The following MSI2 variants were observed in gnomAD, a reference collection of about 807,000 sequenced individuals.
MSI2 encodes musashi RNA binding protein 2.
MSI2 carries 17 observed loss-of-function variants against 45.6 expected under a neutral mutation model. The observed-to-expected ratio is 0.37, with a 90% CI of 0.26 to 0.56. The LOEUF is 0.56. Ranked by LOEUF, MSI2 falls within the 20% of genes least tolerant of loss-of-function variation. The pLI is 0.77. For synonymous variants in MSI2, 156 were observed against 158.2 expected (o/e 0.99, Z 0.11); for missense variants, 293 against 444.2 (o/e 0.66, Z 3.06).
Position 57,652,069 on chromosome 17 carries a change from A to T in MSI2, c.728-30A>T, listed in dbSNP as rs759436125. 6.2e-7 allele frequency: 1 copy of T among 1,611,046 alleles called. No individual in the cohort carries two copies. Among genetic ancestry groups the T allele is most frequent in the South Asian group, 1.1e-5 (1 of 91,000 alleles). Reference sequence around the variant, plus strand: ...GCCTGGCCCTTTCAAGGATTCCTCCATGACTCAGGCTCCTCTCTCTCCTGA... The same window carrying T: ...GCCTGGCCCTTTCAAGGATTCCTCCTTGACTCAGGCTCCTCTCTCTCCTGA... On this transcript the variant is annotated intron_variant, in intron 10 of 13. Transcript: ENST00000284073. This position sits in a 1 kb window ranked among gnomAD's most constrained non-coding sequence, Gnocchi z 4.1.
intron 10 of MSI2, among the ~76,000 whole-genome samples, chr17:57,649,513 CACAT>C (rs1222469101): frequency 1.3e-5 from 2 of 152,098 alleles, no homozygotes; most frequent in Non-Finnish European, 2.9e-5. Flanking sequence ...ACACATTACA[CACAT>C]ACACCTGACA....
At chr17:57,446,158 T>G (rs2143506699) in intron 6 of MSI2, among the ~76,000 whole-genome samples, 1 of 150,802 alleles carries the variant, frequency 6.6e-6, no homozygotes, top group Admixed American at 6.6e-5. Flanking sequence ...TGGGGTGGGG[T>G]GTGTGTGAGG....
At chr17:57,687,326 A>C (rs1462688824), downstream of MSI2, among the ~76,000 whole-genome samples, 1 of 152,062 alleles carries the variant, frequency 6.6e-6, no homozygotes, top group Admixed American at 6.5e-5. Context: ...TGATAAATAG[A>C]AGCTGAAAGC....
rs757147876 is a variant in MSI2 at position 57,627,243 on chromosome 17, G to A, written c.667G>A (p.Val223Met). ...TTGTGTTCAAGGATATCCCAACTTC[G>A]TGGCGACCTATGGCCGTGGCTACCC... ...GMGMLGYPNF[V>M]ATYGRGYPGF... The change falls in exon 10 of 14, where the codon GTG becomes ATG. Residue 223 changes from valine (V) to methionine (M), a missense_variant. Transcript: ENST00000284073. This position sits in a 1 kb window ranked among gnomAD's most constrained non-coding sequence, Gnocchi z 4.6. 1.8e-5 allele frequency: 29 copies of A among 1,614,030 alleles called. No homozygotes were observed. The highest frequency in any genetic ancestry group is 1.8e-4 in the East Asian group (8 of 44,894).
chr17:57,664,424 A>T (rs1871206806), intron 11 of MSI2, among the ~76,000 whole-genome samples: 1 of 152,162 alleles, frequency 6.6e-6, no homozygotes, highest in South Asian at 2.1e-4. Flanking sequence ...AGACTGAGGC[A>T]GGAGAATTAC....
At chr17:57,556,067 G>A (rs1567897124) in intron 7 of MSI2, among the ~76,000 whole-genome samples, 2 of 152,346 alleles carry the variant, frequency 1.3e-5, no homozygotes, top group South Asian at 4.1e-4. Flanking sequence ...GATAAGCTTG[G>A]AACTGGATTG....
Position 57,357,980 on chromosome 17 carries a change from A to G in MSI2, c.313-43399A>G, listed in dbSNP as rs148399863. Among the ~76,000 whole-genome samples the G allele has an allele frequency of 3.0e-3, 461 of 152,238 alleles. 3 individuals are homozygous for G. Among genetic ancestry groups the G allele is most frequent in the African/African-American group, 5.8e-3 (243 of 41,554 alleles). On this transcript the variant is annotated intron_variant, in intron 5 of 13. Coordinates refer to ENST00000284073, the MANE Select transcript of MSI2 (RefSeq NM_138962.4). ...TTTCTGAGGTCTTGTGGTCACACAC[A>G]TGCTTTCCTGCTTCTGTCTTGAATG...
At chr17:57,396,166 A>T (rs1310126645) in intron 5 of MSI2, among the ~76,000 whole-genome samples, 1 of 152,016 alleles carries the variant, frequency 6.6e-6, no homozygotes, top group African/African-American at 2.4e-5. Flanking sequence ...CCTTTCTCAT[A>T]CTCATTTAAG....
chr17:57,537,183 C>A (rs1333020717), intron 7 of MSI2, among the ~76,000 whole-genome samples: 1 of 152,178 alleles, frequency 6.6e-6, no homozygotes, highest in Non-Finnish European at 1.5e-5. Flanking sequence ...ACAGCCATTG[C>A]CCCTCTGCCA....
Position 57,627,087 on chromosome 17 carries a change from A to G in MSI2, c.653-142A>G. ...AGGAGAGAGGTGACCCAGACCCTTA[A>G]TAAAAAAACCCTCATGAGAGACAAA... On this transcript the variant is annotated intron_variant, in intron 9 of 13. Coordinates refer to ENST00000284073, the MANE Select transcript of MSI2 (RefSeq NM_138962.4). This position sits in a 1 kb window ranked among gnomAD's most constrained non-coding sequence, Gnocchi z 4.6. 1 of 770,424 alleles carries G rather than the reference A, an allele frequency of 1.3e-6. No individual in the cohort carries two copies. The highest frequency in any genetic ancestry group is 1.7e-5 in the South Asian group (1 of 59,086). The allele number at this position is 770,424 out of a possible 1,614,324, so 47.7% of individuals were successfully genotyped here.
At chr17:57,605,015 A>G (rs990330050) in intron 8 of MSI2, among the ~76,000 whole-genome samples, 14 of 152,090 alleles carry the variant, frequency 9.2e-5, no homozygotes, top group African/African-American at 3.1e-4. Context: ...TGTATTCACA[A>G]TCCTATTTGT....
intron 11 of MSI2, among the ~76,000 whole-genome samples, chr17:57,656,512 G>A (rs1430175683): frequency 1.3e-5 from 2 of 152,300 alleles, no homozygotes; most frequent in East Asian, 3.9e-4. Context: ...CTGTCTATAT[G>A]GATTACTTCT....
intron 5 of MSI2, among the ~76,000 whole-genome samples, chr17:57,346,351 G>GT (rs1206602827): frequency 1.4e-5 from 2 of 145,032 alleles, no homozygotes; most frequent in Admixed American, 1.4e-4. Flanking sequence ...CACATTTTGG[G>GT]GGGGGGGGTC....
At chr17:57,589,317 G>GT (rs1213085646) in intron 7 of MSI2, among the ~76,000 whole-genome samples, 2 of 151,986 alleles carry the variant, frequency 1.3e-5, no homozygotes, top group Admixed American at 6.5e-5. Flanking sequence ...AAGGTAGCTT[G>GT]TTTTTTTTCT....
chr17:57,449,560 A>G (rs1171972208), intron 6 of MSI2: 1 of 152,190 alleles, frequency 6.6e-6, no homozygotes, highest in Non-Finnish European at 1.5e-5. Flanking sequence ...TCGTAGACAC[A>G]TAGGTTATGT....
At chr17:57,645,566 G>T (rs2144665491) in intron 10 of MSI2, among the ~76,000 whole-genome samples, 1 of 151,756 alleles carries the variant, frequency 6.6e-6, no homozygotes, top group Non-Finnish European at 1.5e-5. Flanking sequence ...CTCCTGAGCA[G>T]CTGGGATTAA....
chr17:57,651,264 A>G (rs2144683558), intron 10 of MSI2, among the ~76,000 whole-genome samples: 1 of 152,184 alleles, frequency 6.6e-6, no homozygotes, highest in South Asian at 2.1e-4. Context: ...TTTAGATAGC[A>G]TAAGCCTTGA....
At chr17:57,406,477 C>T (rs1446437431) in intron 6 of MSI2, among the ~76,000 whole-genome samples, 6 of 152,286 alleles carry the variant, frequency 3.9e-5, no homozygotes, top group South Asian at 2.1e-4. Context: ...CCGGATGGAG[C>T]CGTTCCGCAC....
chr17:57,256,202 G>C (rs1196194913), upstream of MSI2, among the ~76,000 whole-genome samples: 1 of 149,528 alleles, frequency 6.7e-6, no homozygotes, highest in Non-Finnish European at 1.5e-5. Context: ...CGATCCACCC[G>C]CCCCCCGCAG....
Sources: gnomAD v4.1 joint callset for allele counts (sites outside exome capture counted in the v4.1 genomes callset) on GRCh38, gnomAD v4.1.1 for gene constraint, Gnocchi (gnomAD v3.1) non-coding constraint, MANE v1.5 for transcripts, NCBI Gene and HGNC (gene_info 2026-07-23, HGNC 2026-07-21) for gene names.